The following TNR variants were observed in gnomAD, a reference collection of about 807,000 sequenced individuals.
The protein encoded by TNR is tenascin R.
Under a neutral mutation model 150.4 loss-of-function variants are expected in TNR, and 45 were observed. The observed-to-expected ratio is 0.30, with a 90% CI of 0.24 to 0.38. TNR has a LOEUF of 0.38. Among genes scored for constraint, TNR ranks in the 10% least tolerant of loss-of-function variants. The pLI is 1.00. For synonymous variants in TNR, 687 were observed against 678.4 expected (o/e 1.01, Z -0.20); for missense variants, 1,544 against 1,759.1 (o/e 0.88, Z 2.19).
chr1:175,374,956 C>G (rs1029124340), intron 9 of TNR, among the ~76,000 whole-genome samples: 1 of 152,156 alleles, frequency 6.6e-6, no homozygotes, highest in Non-Finnish European at 1.5e-5. Flanking sequence ...GGGCAAGCCC[C>G]CTCCCCTCCT....
chr1:175,363,625 T>C, intron 13 of TNR, 83 bp downstream of exon 13: 1 of 1,487,658 alleles, frequency 6.7e-7, no homozygotes, highest in South Asian at 1.4e-5. Flanking sequence ...CAGGCAGGAG[T>C]GGATGTTCTG....
rs913641280 is a variant in TNR at position 175,315,712 on chromosome 1, G to T, written c.*7645C>A. On this transcript the variant is annotated 3_prime_UTR_variant, in exon 23 of 23. Coordinates refer to ENST00000367674, the MANE Select transcript of TNR (RefSeq NM_003285.3). ...ACAGTGATTTGCTTAGGGTACTTGG[G>T]CATCCCCATGGGCCTGGGGAGTATT... 1 of 152,198 alleles carries T rather than the reference G, an allele frequency of 6.6e-6. No homozygotes were observed. The highest frequency in any genetic ancestry group is 1.5e-5 in the Non-Finnish European group (1 of 68,070). The allele number at this position is 152,198 out of a possible 1,614,324, so 9.4% of individuals were successfully genotyped here. A position where few individuals can be genotyped will look rare whatever the true frequency, so the allele number is the denominator to read the frequency against.
At chr1:175,584,974 G>C (rs1320029132) in intron 1 of TNR, among the ~76,000 whole-genome samples, 3 of 152,136 alleles carry the variant, frequency 2.0e-5, no homozygotes, top group African/African-American at 7.2e-5. Flanking sequence ...TCTGGACAGG[G>C]GTGTGTCTGC....
chr1:175,739,766 A>T (rs114224741), intron 1 of TNR, among the ~76,000 whole-genome samples: 1 of 152,102 alleles, frequency 6.6e-6, no homozygotes, highest in Non-Finnish European at 1.5e-5. Flanking sequence ...ATAGGACTCA[A>T]TTTCATGGTA....
intron 2 of TNR, among the ~76,000 whole-genome samples, chr1:175,464,417 C>T (rs1173489349): frequency 1.3e-5 from 2 of 152,122 alleles, no homozygotes; most frequent in African/African-American, 4.8e-5. Flanking sequence ...TAAGACACTG[C>T]CAGCTCCAAG....
chr1:175,521,800 C>T lies in TNR; in HGVS notation c.-64+6469G>A, dbSNP rs566770298. 3.9e-5 allele frequency among the ~76,000 whole-genome samples: 6 copies of T among 152,268 alleles called. No homozygotes were observed. The South Asian group carries it at 1.2e-3, about 32-fold the overall frequency. ...TCTGGTCTCCTCCTCTCCCATGAAC[C>T]CTGTGACACTTGCCCTGTTTCTGCT... On this transcript the variant is annotated intron_variant, in intron 2 of 22. Transcript: ENST00000367674.
chr1:175,730,733 C>G (rs1667615576), intron 1 of TNR, among the ~76,000 whole-genome samples: 1 of 152,012 alleles, frequency 6.6e-6, no homozygotes, highest in Non-Finnish European at 1.5e-5. Flanking sequence ...ACTATGTTGG[C>G]TGGTGATAAA....
intron 2 of TNR, among the ~76,000 whole-genome samples, chr1:175,423,823 G>A (rs1217521439): frequency 6.6e-6 from 1 of 152,166 alleles, no homozygotes; most frequent in African/African-American, 2.4e-5. Flanking sequence ...AACTCACAGA[G>A]CTGGATTAGC....
At chr1:175,497,301 C>T (rs188961943) in intron 2 of TNR, among the ~76,000 whole-genome samples, 3 of 152,314 alleles carry the variant, frequency 2.0e-5, no homozygotes, top group Non-Finnish European at 2.9e-5. Flanking sequence ...CCTCCGCTTG[C>T]CCCATCTCCC....
chr1:175,473,889 G>T (rs996000120), intron 2 of TNR, among the ~76,000 whole-genome samples: 2 of 152,076 alleles, frequency 1.3e-5, no homozygotes, highest in Non-Finnish European at 2.9e-5. Context: ...TTAATGAAGT[G>T]CATTAAAATG....
intron 2 of TNR, among the ~76,000 whole-genome samples, chr1:175,479,896 C>T (rs1430487447): frequency 2.0e-5 from 3 of 152,080 alleles, no homozygotes; most frequent in African/African-American, 7.2e-5. Context: ...ATCCACTAAT[C>T]TACCTCAAAT....
In TNR at chr1:175,323,331, T is replaced by C. The variant is rs1649164858; in HGVS notation, c.*26A>G. On this transcript the variant is annotated 3_prime_UTR_variant, in exon 23 of 23. Transcript: ENST00000367674. ...AAATACAAACAAATGACAGAAAATA[T>C]TGGTTGGCTTGCAGCCGCCCACTGC... The C allele has an allele frequency of 6.2e-7, 1 of 1,609,180 alleles. No individual in the cohort carries two copies. The highest frequency in any genetic ancestry group is 8.5e-7 in the Non-Finnish European group (1 of 1,178,228).
chr1:175,676,034 G>T (rs758965973), intron 1 of TNR, among the ~76,000 whole-genome samples: 2 of 152,208 alleles, frequency 1.3e-5, no homozygotes, highest in Non-Finnish European at 2.9e-5. Flanking sequence ...CATAGTAACT[G>T]CTGGGGAAGA....
intron 2 of TNR, among the ~76,000 whole-genome samples, chr1:175,485,303 C>A (rs1441765207): frequency 2.6e-5 from 4 of 152,190 alleles, no homozygotes. Flanking sequence ...AAGTTTCCCC[C>A]AAACTGTAAA....
At chr1:175,710,795 T>G (rs1666990542) in intron 1 of TNR, among the ~76,000 whole-genome samples, 1 of 152,198 alleles carries the variant, frequency 6.6e-6, no homozygotes, top group Non-Finnish European at 1.5e-5. Context: ...ATTTTCCTAA[T>G]GCTTGGCTCC....
At chr1:175,681,670 G>A (rs148485597) in intron 1 of TNR, among the ~76,000 whole-genome samples, 21 of 152,246 alleles carry the variant, frequency 1.4e-4, no homozygotes, top group African/African-American at 4.3e-4. Flanking sequence ...CTGTAACCAC[G>A]TCTCCACCTG....
chr1:175,740,974 C>G (rs1191510287), intron 1 of TNR, among the ~76,000 whole-genome samples: 1 of 152,192 alleles, frequency 6.6e-6, no homozygotes, highest in Non-Finnish European at 1.5e-5. Context: ...TGCCACCAGC[C>G]CAGGGTTCTC....
chr1:175,719,551 C>T (rs1258182998), intron 1 of TNR, among the ~76,000 whole-genome samples: 1 of 152,230 alleles, frequency 6.6e-6, no homozygotes, highest in Non-Finnish European at 1.5e-5. Flanking sequence ...AGTTAGCACA[C>T]ATAAAGCACT....
intron 1 of TNR, among the ~76,000 whole-genome samples, chr1:175,709,853 G>C (rs1156234449): frequency 1.3e-5 from 2 of 151,818 alleles, no homozygotes; most frequent in Non-Finnish European, 2.9e-5. Flanking sequence ...TTGGTGTTCA[G>C]ACATGATCTC....
Sources: gnomAD v4.1 joint callset for allele counts (sites outside exome capture counted in the v4.1 genomes callset) on GRCh38, gnomAD v4.1.1 for gene constraint, MANE v1.5 for transcripts, NCBI Gene and HGNC (gene_info 2026-07-23, HGNC 2026-07-21) for gene names.